NCKAP5: variants seen among roughly 807,000 people sequenced by gnomAD.
NCKAP5 encodes the protein NCK associated protein 5, also known as nck-associated protein 5.
A neutral mutation model predicts 167.0 loss-of-function variants in NCKAP5; 92 were observed. The observed-to-expected ratio is 0.55, with a 90% CI of 0.47 to 0.66. The LOEUF is 0.66. Among genes scored for constraint, NCKAP5 ranks in the 30% least tolerant of loss-of-function variants. NCKAP5 has a pLI of 0.00. For missense variants in NCKAP5, 2,378 were observed against 2,315.0 expected (o/e 1.03, Z -0.56); for synonymous variants, 891 against 877.4 (o/e 1.02, Z -0.27).
chr2:133,073,845 A>G (rs1284935761), intron 6 of NCKAP5, among the ~76,000 whole-genome samples: 1 of 152,202 alleles, frequency 6.6e-6, no homozygotes, highest in Non-Finnish European at 1.5e-5. Context: ...CATTGCTCCA[A>G]AAATGTAATT....
chr2:132,914,976 A>G (rs1257001260), intron 8 of NCKAP5, among the ~76,000 whole-genome samples: 1 of 145,628 alleles, frequency 6.9e-6, no homozygotes, highest in Non-Finnish European at 1.5e-5. Context: ...CCAGCCATCA[A>G]GTAAAGCTAT....
chr2:133,488,987 G>A (rs1197054307), intron 3 of NCKAP5, among the ~76,000 whole-genome samples: 1 of 152,164 alleles, frequency 6.6e-6, no homozygotes, highest in Admixed American at 6.5e-5. Flanking sequence ...TACTTGGGGA[G>A]CTAAGGCAGG....
intron 3 of NCKAP5, among the ~76,000 whole-genome samples, chr2:133,408,782 C>T (rs1182343259): frequency 6.6e-6 from 1 of 152,132 alleles, no homozygotes; most frequent in Non-Finnish European, 1.5e-5. Flanking sequence ...TTTCTGCTGC[C>T]CCTCTTGTGG....
intron 5 of NCKAP5, among the ~76,000 whole-genome samples, chr2:133,131,085 C>T (rs931153531): frequency 6.6e-6 from 1 of 152,178 alleles, no homozygotes; most frequent in Admixed American, 6.5e-5. Context: ...AAATATGATT[C>T]ATCTCATGTG....
intron 11 of NCKAP5, among the ~76,000 whole-genome samples, chr2:132,840,525 C>T (rs1688227906): frequency 6.6e-6 from 1 of 152,122 alleles, no homozygotes; most frequent in Non-Finnish European, 1.5e-5. Context: ...GATCCACCTG[C>T]CTTGGCATCC....
intron 11 of NCKAP5, among the ~76,000 whole-genome samples, chr2:132,838,693 G>A (rs1424542389): frequency 6.6e-6 from 1 of 152,088 alleles, no homozygotes; most frequent in Non-Finnish European, 1.5e-5. Flanking sequence ...TTTTTCTCCT[G>A]TACTGTTTCT....
intron 3 of NCKAP5, among the ~76,000 whole-genome samples, chr2:133,488,955 G>A (rs1308515450): frequency 6.6e-6 from 1 of 152,006 alleles, no homozygotes; most frequent in African/African-American, 2.4e-5. Flanking sequence ...TGGGCATAGT[G>A]GTGCATGCCT....
chr2:133,539,302 G>A (rs1478103581), intron 2 of NCKAP5, among the ~76,000 whole-genome samples: 3 of 152,096 alleles, frequency 2.0e-5, no homozygotes, highest in South Asian at 4.1e-4. Flanking sequence ...TCTAGTTGGG[G>A]TGTCTGGTAA....
the NCKAP5 span, among the ~76,000 whole-genome samples, chr2:133,639,506 C>G: frequency 6.6e-6 from 1 of 152,122 alleles, no homozygotes. Flanking sequence ...TCCAAACTTC[C>G]AGGTTTTAGG....
chr2:133,070,691 C>T lies in NCKAP5; in HGVS notation c.341+59287G>A, dbSNP rs140244751. 4.1e-3 allele frequency among the ~76,000 whole-genome samples: 622 copies of T among 152,158 alleles called. 4 individuals carry two copies. The highest frequency in any genetic ancestry group is 0.015 in the African/African-American group (603 of 41,516). ...CAACCAAGAAGTTATACACTCCTCCCACCCCCACAAATTCACATACATGCA... is the reference window on the plus strand; with the variant it reads ...CAACCAAGAAGTTATACACTCCTCCTACCCCCACAAATTCACATACATGCA... On this transcript the variant is annotated intron_variant, in intron 6 of 19. Coordinates refer to ENST00000409261, the MANE Select transcript of NCKAP5 (RefSeq NM_207363.3).
Position 133,129,493 on chromosome 2 carries a change from C to T in NCKAP5, c.341+485G>A, listed in dbSNP as rs567740166. Among the ~76,000 whole-genome samples the T allele has an allele frequency of 1.1e-3, 174 of 152,286 alleles. 1 individual carries two copies. The highest frequency in any genetic ancestry group is 4.0e-3 in the African/African-American group (166 of 41,556). On this transcript the variant is annotated intron_variant, in intron 6 of 19. Transcript: ENST00000409261. ...GCCACATTTTCTTAATCCAGTTTAT[C>T]GTTGTTGGACATTTGGGTTGGTTCC...
intron 17 of NCKAP5, among the ~76,000 whole-genome samples, chr2:132,729,950 G>A (rs1690826175): frequency 6.6e-6 from 1 of 152,104 alleles, no homozygotes; most frequent in Non-Finnish European, 1.5e-5. Context: ...AATTGGCAGT[G>A]ACTGCTCAAA....
At chr2:133,313,003 TTAAG>T (rs1360791951) in intron 3 of NCKAP5, among the ~76,000 whole-genome samples, 1 of 152,168 alleles carries the variant, frequency 6.6e-6, no homozygotes, top group Non-Finnish European at 1.5e-5. Context: ...CAGATTATGG[TTAAG>T]TAATTTGCTT....
chr2:133,326,820 G>A (rs955943901), intron 3 of NCKAP5, among the ~76,000 whole-genome samples: 1 of 152,186 alleles, frequency 6.6e-6, no homozygotes, highest in African/African-American at 2.4e-5. Flanking sequence ...ACAGTAGAGT[G>A]CATTTACCAG....
intron 11 of NCKAP5, among the ~76,000 whole-genome samples, chr2:132,811,115 T>C (rs1169477030): frequency 2.6e-5 from 4 of 152,312 alleles, no homozygotes; most frequent in African/African-American, 4.8e-5. Context: ...TCCTGTGAGA[T>C]GAAACGTCTA....
intron 11 of NCKAP5, among the ~76,000 whole-genome samples, chr2:132,828,179 G>A (rs1268695271): frequency 1.3e-5 from 2 of 152,154 alleles, no homozygotes; most frequent in Admixed American, 6.5e-5. Context: ...CTCTAGAACT[G>A]TGAGAAAATA....
chr2:133,250,479 C>T (rs1559316973), intron 4 of NCKAP5, among the ~76,000 whole-genome samples: 1 of 152,142 alleles, frequency 6.6e-6, no homozygotes, highest in East Asian at 1.9e-4. Context: ...CGTAAGACAG[C>T]ATGCAGGTGT....
At chr2:133,554,003 A>G (rs1288097042) in intron 2 of NCKAP5, among the ~76,000 whole-genome samples, 1 of 152,118 alleles carries the variant, frequency 6.6e-6, no homozygotes, top group Non-Finnish European at 1.5e-5. Flanking sequence ...CTGGGATCTC[A>G]TCTGAGGCTC....
intron 11 of NCKAP5, among the ~76,000 whole-genome samples, chr2:132,854,463 AT>A (rs1689310133): frequency 6.6e-6 from 1 of 152,242 alleles, no homozygotes; most frequent in Non-Finnish European, 1.5e-5. Context: ...CCTCCAAAGC[AT>A]ATGAATTTAG....
Sources: allele counts gnomAD v4.1 joint callset (sites outside exome capture counted in the v4.1 genomes callset), GRCh38; gene constraint gnomAD v4.1.1; transcripts MANE v1.5; gene names NCBI Gene and HGNC (gene_info 2026-07-23, HGNC 2026-07-21).